Variants in ENTREP2 observed in about 807,000 individuals in gnomAD.
ENTREP2 encodes endosomal transmembrane epsin interactor 2.
chr15:29,379,282 G>A, the ENTREP2 span, among the ~76,000 whole-genome samples: 9 of 152,274 alleles, frequency 5.9e-5, no homozygotes, highest in South Asian at 1.9e-3. Flanking sequence ...AGGTCCCTGA[G>A]CCCCTCTGTG....
the ENTREP2 span, among the ~76,000 whole-genome samples, chr15:29,438,695 T>C: frequency 2.0e-5 from 3 of 152,172 alleles, no homozygotes; most frequent in Admixed American, 1.3e-4. Context: ...ATTTTTGTTT[T>C]TTGCTGAAGG....
the ENTREP2 span, among the ~76,000 whole-genome samples, chr15:29,588,571 AGAAG>A: frequency 1.2e-5 from 1 of 83,874 alleles, no homozygotes; most frequent in African/African-American, 6.4e-5. Context: ...AGAGAGAAGG[AGAAG>A]GGAGGGAGGG....
At chr15:29,196,568 G>A in the ENTREP2 span, 1 of 1,548,580 alleles carries the variant, frequency 6.5e-7, no homozygotes, top group African/African-American at 1.4e-5. Flanking sequence ...ACTTAATCTA[G>A]ACAGAGGAAC....
chr15:29,494,886 ATG>A, the ENTREP2 span, among the ~76,000 whole-genome samples: 39 of 151,770 alleles, frequency 2.6e-4, no homozygotes, highest in African/African-American at 8.5e-4. Flanking sequence ...GTTTGTGTGC[ATG>A]TGTGTGTGTG....
At chr15:29,225,700 C>T in the ENTREP2 span, among the ~76,000 whole-genome samples, 20 of 152,276 alleles carry the variant, frequency 1.3e-4, no homozygotes, top group Admixed American at 1.0e-3. Flanking sequence ...GTGAGAACAA[C>T]GCCCACGGAA....
At chr15:29,479,708 CAT>C in the ENTREP2 span, among the ~76,000 whole-genome samples, 1 of 137,110 alleles carries the variant, frequency 7.3e-6, no homozygotes, top group Non-Finnish European at 1.5e-5. Context: ...CACACACACA[CAT>C]GCTGGGACCT....
the ENTREP2 span, among the ~76,000 whole-genome samples, chr15:29,355,450 T>C: frequency 2.5e-4 from 37 of 150,556 alleles, no homozygotes; most frequent in African/African-American, 8.5e-4. Context: ...AAAGATGAAG[T>C]TTAAATTTGA....
the ENTREP2 span, among the ~76,000 whole-genome samples, chr15:29,223,990 T>C: frequency 8.9e-4 from 136 of 152,304 alleles, 2 homozygotes; most frequent in East Asian, 0.024. Flanking sequence ...CTCAGAAGTG[T>C]GTCCAGAATT....
At chr15:29,396,325 T>TC in the ENTREP2 span, among the ~76,000 whole-genome samples, 3 of 152,100 alleles carry the variant, frequency 2.0e-5, 1 homozygote, top group Non-Finnish European at 4.4e-5. Context: ...GTTTGACTTT[T>TC]TTTTTTTAGA....
the ENTREP2 span, among the ~76,000 whole-genome samples, chr15:29,591,483 T>C: frequency 1.3e-5 from 2 of 152,140 alleles, no homozygotes; most frequent in Non-Finnish European, 2.9e-5. Flanking sequence ...TACGTTGAAA[T>C]CCAAATCTCC....
chr15:29,563,267 C>T, the ENTREP2 span, among the ~76,000 whole-genome samples: 3 of 152,104 alleles, frequency 2.0e-5, no homozygotes, highest in Non-Finnish European at 4.4e-5. Context: ...GTTTTTCTGT[C>T]CCTGGACACT....
chr15:29,325,846 A>G, the ENTREP2 span, among the ~76,000 whole-genome samples: 1 of 152,182 alleles, frequency 6.6e-6, no homozygotes, highest in Non-Finnish European at 1.5e-5. Flanking sequence ...AGTTCTCAAC[A>G]AAATATTAGC....
At chr15:29,587,171 G>GTA in the ENTREP2 span, among the ~76,000 whole-genome samples, 46,273 of 147,094 alleles carry the variant, frequency 0.31, 8,127 homozygotes, top group Non-Finnish European at 0.39. Context: ...GTGTGTGTGT[G>GTA]TGTGTGTGTG....
chr15:29,310,634 G>C, the ENTREP2 span, among the ~76,000 whole-genome samples: 5 of 152,164 alleles, frequency 3.3e-5, no homozygotes, highest in Non-Finnish European at 7.3e-5. Context: ...GAATTGTCCG[G>C]GCCAAGCCCA....
the ENTREP2 span, among the ~76,000 whole-genome samples, chr15:29,600,394 T>A: frequency 1.3e-5 from 2 of 151,984 alleles, no homozygotes; most frequent in African/African-American, 2.4e-5. Context: ...TTTCACTGGG[T>A]CTATCCAAAT....
chr15:29,247,572 T>C, the ENTREP2 span, among the ~76,000 whole-genome samples: 1 of 152,138 alleles, frequency 6.6e-6, no homozygotes, highest in Non-Finnish European at 1.5e-5. Flanking sequence ...GAATAAAAAG[T>C]CCAGAAATAG....
At chr15:29,350,464 C>T in the ENTREP2 span, among the ~76,000 whole-genome samples, 131 of 152,092 alleles carry the variant, frequency 8.6e-4, no homozygotes, top group African/African-American at 3.0e-3. Flanking sequence ...ATATCCATTT[C>T]GTTACTTTTC....
the ENTREP2 span, among the ~76,000 whole-genome samples, chr15:29,129,449 C>T: frequency 7.6e-3 from 1,161 of 152,292 alleles, 10 homozygotes; most frequent in Non-Finnish European, 0.01. Flanking sequence ...GCACAGTCAT[C>T]GAGCTTTTGT....
the ENTREP2 span, among the ~76,000 whole-genome samples, chr15:29,655,829 C>T: frequency 6.6e-6 from 1 of 151,902 alleles, no homozygotes; most frequent in Non-Finnish European, 1.5e-5. Flanking sequence ...AGTTTGACAC[C>T]ACCTGGCCAA....
Sources: allele counts gnomAD v4.1 joint callset (sites outside exome capture counted in the v4.1 genomes callset), GRCh38; gene constraint gnomAD v4.1.1; transcripts MANE v1.5; gene names NCBI Gene and HGNC (gene_info 2026-07-23, HGNC 2026-07-21).